NRG1: variants seen among roughly 807,000 people sequenced by gnomAD.
NRG1 encodes the protein neuregulin 1, also known as pro-neuregulin-1, membrane-bound isoform.
A neutral mutation model predicts 63.8 loss-of-function variants in NRG1; 18 were observed. The observed-to-expected ratio is 0.28, with a 90% CI of 0.19 to 0.42. The LOEUF (loss-of-function observed/expected upper bound fraction) is 0.42. NRG1 is among the 10% of genes least tolerant of loss of function. The pLI is 1.00. For synonymous variants in NRG1, 302 were observed against 301.3 expected (o/e 1.00, Z -0.02); for missense variants, 762 against 814.7 (o/e 0.94, Z 0.79).
rs116936043 is a variant in NRG1 at position 31,813,804 on chromosome 8, G to A, written c.37+174373G>A. On this transcript the variant is annotated intron_variant, in intron 1 of 10. Transcript: ENST00000519301. ...GGCCTCCCAGAGTGCGGGGATTATAGGTGTGAGCCATCATGCCTGGCCAGG... is the reference window on the plus strand; with the variant it reads ...GGCCTCCCAGAGTGCGGGGATTATAAGTGTGAGCCATCATGCCTGGCCAGG... 9.1e-4 allele frequency among the ~76,000 whole-genome samples: 139 copies of A among 152,048 alleles called. 2 individuals are homozygous for A. The East Asian group carries it at 0.027, about 29-fold the overall frequency.
chr8:31,800,073 C>A (rs772238263), intron 1 of NRG1, among the ~76,000 whole-genome samples: 1 of 152,152 alleles, frequency 6.6e-6, no homozygotes, highest in African/African-American at 2.4e-5. Context: ...AACCTTGGAA[C>A]AGTCTCATTG....
chr8:32,095,964 C>T (rs144820787), intron 1 of NRG1, among the ~76,000 whole-genome samples: 401 of 152,274 alleles, frequency 2.6e-3, no homozygotes, highest in African/African-American at 9.0e-3. Context: ...GAAAAGGCCT[C>T]TCTGAGAAGG....
intron 1 of NRG1, among the ~76,000 whole-genome samples, chr8:32,406,230 A>G (rs549689545): frequency 9.8e-4 from 150 of 152,308 alleles, no homozygotes; most frequent in African/African-American, 3.5e-3. Context: ...TGGTAGAATT[A>G]CATGGGATAA....
chr8:32,763,661 T>C, intron 11 of NRG1, 87 bp from the exon 12 acceptor site: 3 of 1,302,362 alleles, frequency 2.3e-6, no homozygotes, highest in Admixed American at 2.3e-5. Flanking sequence ...TCTGATGATA[T>C]AATACCGTGA....
chr8:31,960,118 A>C lies in NRG1; in HGVS notation c.37+320687A>C, dbSNP rs114352369. Among the ~76,000 whole-genome samples, 1,216 of 152,312 alleles carry C rather than the reference A, an allele frequency of 8.0e-3. 17 individuals carry two copies. Among genetic ancestry groups the C allele is most frequent in the African/African-American group, 0.028 (1,166 of 41,556 alleles). On this transcript the variant is annotated intron_variant, in intron 1 of 10. Transcript: ENST00000519301. ...AAAAATCATGGGAGACTTAAATGAA[A>C]GCATTCCTGGGAATGAAGAAGGCAG...
intron 1 of NRG1, among the ~76,000 whole-genome samples, chr8:32,184,247 A>G (rs963014857): frequency 2.2e-4 from 34 of 152,316 alleles, no homozygotes; most frequent in African/African-American, 7.2e-4. Flanking sequence ...TAGAAATAGC[A>G]TATGAGCACT....
At chr8:32,297,969 C>G (rs182631067) in intron 1 of NRG1, among the ~76,000 whole-genome samples, 11 of 152,192 alleles carry the variant, frequency 7.2e-5, no homozygotes, top group Non-Finnish European at 1.6e-4. Flanking sequence ...CGAACTAATT[C>G]ATGATTTATT....
chr8:31,649,591 A>G (rs1173456513), intron 1 of NRG1, among the ~76,000 whole-genome samples: 2 of 152,226 alleles, frequency 1.3e-5, no homozygotes, highest in African/African-American at 4.8e-5. Flanking sequence ...AAACCATGAA[A>G]TAAGGAAATT....
chr8:32,399,927 T>G (rs1292571429), intron 1 of NRG1, among the ~76,000 whole-genome samples: 1 of 152,212 alleles, frequency 6.6e-6, no homozygotes, highest in Non-Finnish European at 1.5e-5. Context: ...CATGTAAGTT[T>G]AAGTACCTTG....
chr8:32,482,551 C>T (rs1195664274), intron 1 of NRG1, among the ~76,000 whole-genome samples: 2 of 152,138 alleles, frequency 1.3e-5, no homozygotes, highest in Admixed American at 1.3e-4. Flanking sequence ...CTCAGTATCC[C>T]TGCTTCCCTG....
At chr8:32,067,944 T>C (rs1375610970) in intron 1 of NRG1, among the ~76,000 whole-genome samples, 1 of 152,192 alleles carries the variant, frequency 6.6e-6, no homozygotes, top group Non-Finnish European at 1.5e-5. Flanking sequence ...ACTTTGGCTG[T>C]TAGCATCCTT....
At chr8:31,856,633 C>A (rs1381054723) in intron 1 of NRG1, among the ~76,000 whole-genome samples, 1 of 152,210 alleles carries the variant, frequency 6.6e-6, no homozygotes, top group African/African-American at 2.4e-5. Flanking sequence ...ATTCTCCATC[C>A]AGCTTTGTTC....
At chr8:32,650,367 A>C (rs915045977) in intron 5 of NRG1, among the ~76,000 whole-genome samples, 2 of 152,176 alleles carry the variant, frequency 1.3e-5, no homozygotes, top group Admixed American at 6.5e-5. Context: ...CTAGAGAAGC[A>C]GTCTGGGAAG....
rs553326564 is a variant in NRG1 at position 32,341,591 on chromosome 8, A to C, written c.38-254237A>C. Among the ~76,000 whole-genome samples the C allele has an allele frequency of 1.0e-3, 158 of 152,200 alleles. 1 individual carries two copies. The highest frequency in any genetic ancestry group is 3.6e-3 in the African/African-American group (151 of 41,542). ...GGAACCCAATGTCACAGGTCCCCTA[A>C]CTCCTGCCTAGTTGCCCAGGCCACA... On this transcript the variant is annotated intron_variant, in intron 1 of 10. Coordinates refer to the NRG1 transcript ENST00000519301.
At chr8:32,256,286 C>T (rs943729511) in intron 1 of NRG1, among the ~76,000 whole-genome samples, 1 of 152,180 alleles carries the variant, frequency 6.6e-6, no homozygotes, top group African/African-American at 2.4e-5. Flanking sequence ...TTGGAATTTT[C>T]AGGCTTTTTG....
At chr8:31,690,202 T>C (rs1027238390) in intron 1 of NRG1, among the ~76,000 whole-genome samples, 3 of 151,588 alleles carry the variant, frequency 2.0e-5, no homozygotes, top group Non-Finnish European at 4.4e-5. Flanking sequence ...GTAAGTTTCC[T>C]GAAGCCTCCC....
At chr8:32,137,563 G>A (rs977561218) in intron 1 of NRG1, among the ~76,000 whole-genome samples, 1 of 152,194 alleles carries the variant, frequency 6.6e-6, no homozygotes, top group African/African-American at 2.4e-5. Context: ...GCATGCATAT[G>A]TCAAGTGTCG....
chr8:32,035,520 G>A (rs976045627), intron 1 of NRG1, among the ~76,000 whole-genome samples: 1 of 152,098 alleles, frequency 6.6e-6, no homozygotes, highest in Non-Finnish European at 1.5e-5. Context: ...TTGATGATCT[G>A]CCTAATATTG....
At chr8:32,259,255 T>C (rs143881033) in intron 1 of NRG1, among the ~76,000 whole-genome samples, 11 of 152,294 alleles carry the variant, frequency 7.2e-5, no homozygotes, top group African/African-American at 2.6e-4. Flanking sequence ...ATTGTAATGG[T>C]ATTAGGAGAT....
Sources: gnomAD v4.1 joint callset for allele counts (sites outside exome capture counted in the v4.1 genomes callset) on GRCh38, gnomAD v4.1.1 for gene constraint, MANE v1.5 for transcripts, NCBI Gene and HGNC (gene_info 2026-07-23, HGNC 2026-07-21) for gene names.